The following NCOA4 variants were observed in gnomAD, a reference collection of about 807,000 sequenced individuals.
The protein encoded by NCOA4 is 70 kDa AR-activator.
NCOA4 carries 31 observed loss-of-function variants against 69.5 expected under a neutral mutation model. That is an observed-to-expected ratio of 0.45 (90% CI 0.34 to 0.60). NCOA4 has a LOEUF of 0.60. Ranked by LOEUF, NCOA4 falls within the 20% of genes least tolerant of loss-of-function variation. The probability of loss-of-function intolerance (pLI) is 0.02; values close to 1 mark genes in which losing one functional copy is unlikely to be tolerated. For synonymous variants in NCOA4, 228 were observed against 252.4 expected (o/e 0.90, Z 0.92); for missense variants, 600 against 719.2 (o/e 0.83, Z 1.90).
intron 1 of NCOA4, among the ~76,000 whole-genome samples, chr10:46,024,950 A>G (rs1554925241): frequency 6.6e-6 from 1 of 151,998 alleles, no homozygotes; most frequent in East Asian, 1.9e-4. Flanking sequence ...TTATATAGAC[A>G]GACATAGATA....
chr10:46,016,952 C>A (rs186998190), intron 1 of NCOA4, among the ~76,000 whole-genome samples: 2 of 152,270 alleles, frequency 1.3e-5, no homozygotes, highest in Non-Finnish European at 2.9e-5. Flanking sequence ...GAAAAATACA[C>A]TAATTGTCCT....
chr10:46,023,145 G>A (rs1216243885), intron 1 of NCOA4, among the ~76,000 whole-genome samples: 3 of 152,180 alleles, frequency 2.0e-5, no homozygotes, highest in Non-Finnish European at 4.4e-5. Flanking sequence ...AGTGACTCAT[G>A]CGGCTTTCTA....
intron 1 of NCOA4, among the ~76,000 whole-genome samples, chr10:46,024,699 C>T (rs1340835847): frequency 1.3e-5 from 2 of 152,148 alleles, no homozygotes; most frequent in Non-Finnish European, 2.9e-5. Flanking sequence ...CAGTATTTGC[C>T]CTTGTGTCTT....
chr10:46,015,226 T>A lies in NCOA4; in HGVS notation c.182A>T (p.Glu61Val). 1 of 1,614,030 alleles carries A rather than the reference T, an allele frequency of 6.2e-7. No individual in the cohort carries two copies. Residue 61 changes from glutamate to valine, a missense_variant, in exon 3 of 10, where the codon GAA becomes GTA. Physicochemically the swap from Glu to Val is moderately radical, Grantham distance 121 (BLOSUM62 -2). Transcript: ENST00000581486. The part of the protein sequence containing the change: ...QIHSCISRHL[E>V]CLRSREVWLY... The stretch of plus-strand genomic sequence containing the variant: ...CCATACCTCACGGCTTCTAAGACAT[T>A]CCAGGTGACGGCTTATGCAACTGTG...
chr10:46,026,870 A>G (rs529488832), intron 1 of NCOA4, among the ~76,000 whole-genome samples: 2 of 152,294 alleles, frequency 1.3e-5, no homozygotes, highest in African/African-American at 4.8e-5. Flanking sequence ...TAAGAGGAAT[A>G]TTAAGCCCCA....
intron 1 of NCOA4, among the ~76,000 whole-genome samples, chr10:46,028,686 A>C (rs1404274787): frequency 1.3e-5 from 2 of 152,174 alleles, no homozygotes; most frequent in African/African-American, 4.8e-5. Context: ...TTAAGTATTA[A>C]GGTATTATGT....
intron 1 of NCOA4, among the ~76,000 whole-genome samples, chr10:46,028,326 C>G (rs1840268734): frequency 6.6e-6 from 1 of 152,160 alleles, no homozygotes. Context: ...ATTTTCTGAT[C>G]TCCCTTCAGA....
At chr10:46,014,371 G>A in intron 5 of NCOA4, 73 bp downstream of exon 5, 1 of 1,089,608 alleles carries the variant, frequency 9.2e-7, no homozygotes, top group Admixed American at 2.2e-5. Context: ...ACTATTCATA[G>A]CAATTTTTTT....
chr10:46,016,302 T>C (rs112517326), intron 2 of NCOA4, among the ~76,000 whole-genome samples: 62,435 of 152,154 alleles, frequency 0.41, 13,290 homozygotes, highest in South Asian at 0.67. Flanking sequence ...GTAATCTAAG[T>C]AAGCTGAATA....
chr10:46,006,641 A>G (rs1422404977), intron 9 of NCOA4, 44 bp from the exon 10 acceptor site: 3 of 1,606,704 alleles, frequency 1.9e-6, no homozygotes, highest in Admixed American at 3.3e-5. Context: ...TCAATGAAGA[A>G]TAAAAGCAAA....
At chr10:46,009,578 C>A (rs1554920618) in intron 8 of NCOA4, 27 bp from the exon 9 acceptor site, 2 of 1,589,970 alleles carry the variant, frequency 1.3e-6, no homozygotes, top group Admixed American at 1.8e-5. Flanking sequence ...GAGTAGGTTG[C>A]TTCATGAAAA....
At position 46,010,364 on chromosome 10, in the gene NCOA4, GCCAGCTCTGTCTTCAGTA is replaced by G; in HGVS notation, c.1539_1556del (p.Thr514_Gly519del). On this transcript the variant is annotated inframe_deletion, in exon 8 of 10. Transcript: ENST00000581486. Reference sequence around the variant, plus strand: ...TCATGGGGCTTTTAAACTTCTGTTTGCCAGCTCTGTCTTCAGTACCAGGCACTTCCTTGGGACTTCCTT... The same window carrying G: ...TCATGGGGCTTTTAAACTTCTGTTTGCCAGGCACTTCCTTGGGACTTCCTT... 2 of 1,614,118 alleles carry G rather than the reference GCCAGCTCTGTCTTCAGTA, an allele frequency of 1.2e-6. No individual in the cohort carries two copies. Among genetic ancestry groups the G allele is most frequent in the Non-Finnish European group, 1.7e-6 (2 of 1,180,040 alleles).
intron 1 of NCOA4, among the ~76,000 whole-genome samples, chr10:46,018,061 A>T (rs1250092754): frequency 1.3e-5 from 2 of 152,254 alleles, no homozygotes; most frequent in African/African-American, 4.8e-5. Flanking sequence ...AGTGAATATT[A>T]GCTAAAGAGA....
chr10:46,023,252 G>A (rs1839987696), intron 1 of NCOA4: 6 of 984,118 alleles, frequency 6.1e-6, no homozygotes, highest in Non-Finnish European at 7.2e-6. Flanking sequence ...GCTGCGACCC[G>A]GCTCCTGCCC....
chr10:46,006,587 T>C lies in NCOA4; in HGVS notation c.*5A>G, dbSNP rs1554919816. 4 of 1,614,048 alleles carry C rather than the reference T, an allele frequency of 2.5e-6. No individual in the cohort carries two copies. The highest frequency in any genetic ancestry group is 1.7e-5 in the Admixed American group (1 of 60,026). On this transcript the variant is annotated 3_prime_UTR_variant, in exon 10 of 10. Transcript: ENST00000581486. Reference sequence around the variant, plus strand: ...AGAAAGGCTGCTCAACTCTTGTCCATTCCTTCACATCTGTAAAGAGACACC... The same window carrying C: ...AGAAAGGCTGCTCAACTCTTGTCCACTCCTTCACATCTGTAAAGAGACACC...
intron 1 of NCOA4, chr10:46,019,577 T>G: frequency 1.0e-6 from 1 of 953,306 alleles, no homozygotes. Context: ...AACTCCAGAA[T>G]TCCGGAACAT....
At chr10:46,012,090 A>C in intron 7 of NCOA4, among the ~76,000 whole-genome samples, 1 of 147,466 alleles carries the variant, frequency 6.8e-6, no homozygotes, top group South Asian at 2.1e-4. Flanking sequence ...AAAAAAAAAA[A>C]AAAAAAAAAA....
In NCOA4 at chr10:46,006,582, G is replaced by A; in HGVS notation, c.*10C>T. 4 of 1,613,930 alleles carry A rather than the reference G, an allele frequency of 2.5e-6. No homozygotes were observed. Among genetic ancestry groups the A allele is most frequent in the Non-Finnish European group, 3.4e-6 (4 of 1,179,868 alleles). ...TCAGCAGAAAGGCTGCTCAACTCTT[G>A]TCCATTCCTTCACATCTGTAAAGAG... On this transcript the variant is annotated 3_prime_UTR_variant, in exon 10 of 10. Coordinates refer to ENST00000581486, the MANE Select transcript of NCOA4 (RefSeq NM_001145263.2).
chr10:46,025,576 G>A (rs1010483926), intron 1 of NCOA4, among the ~76,000 whole-genome samples: 4 of 152,208 alleles, frequency 2.6e-5, no homozygotes, highest in Admixed American at 2.0e-4. Flanking sequence ...CTATGCATAG[G>A]ATAGTTTGGT....
Sources: allele counts gnomAD v4.1 joint callset (sites outside exome capture counted in the v4.1 genomes callset), GRCh38; gene constraint gnomAD v4.1.1; transcripts MANE v1.5; gene names NCBI Gene and HGNC (gene_info 2026-07-23, HGNC 2026-07-21).